The following TLCD4 variants were observed in gnomAD, a reference collection of about 807,000 sequenced individuals.
The protein encoded by TLCD4 is TLC domain containing 4.
In TLCD4, 7 loss-of-function variants were observed where a neutral mutation model predicts 24.2. The ratio of observed to expected loss-of-function variants is 0.29; its 90% CI spans 0.16 to 0.54. The LOEUF (loss-of-function observed/expected upper bound fraction) is 0.54. Among genes scored for constraint, TLCD4 ranks in the 20% least tolerant of loss-of-function variants. The pLI is 0.95. For missense variants in TLCD4, 259 were observed against 313.9 expected (o/e 0.82, Z 1.32); for synonymous variants, 103 against 106.4 (o/e 0.97, Z 0.20).
chr1:95,173,710 TATTG>T, intron 5 of TLCD4, 102 bp from the exon 6 acceptor site: 3 of 1,417,002 alleles, frequency 2.1e-6, no homozygotes, highest in Non-Finnish European at 2.0e-6. Flanking sequence ...TCTGTTTTGG[TATTG>T]ATTGTTATAT....
chr1:95,125,897 A>G (rs1470459016), intron 1 of TLCD4, among the ~76,000 whole-genome samples: 2 of 152,176 alleles, frequency 1.3e-5, no homozygotes, highest in African/African-American at 4.8e-5. Flanking sequence ...CAGACCTGCA[A>G]TCCCAGCACT....
At position 95,194,078 on chromosome 1, in the gene TLCD4, T is replaced by C. The variant is rs991584342; in HGVS notation, c.*2210T>C. On this transcript the variant is annotated 3_prime_UTR_variant, in exon 7 of 7. Transcript: ENST00000370203. Reference sequence around the variant, plus strand: ...GAGTCTCCATGTAGCAGTTTGTTTTTATAGTTACTGTTTCATGCTTAAAAC... The same window carrying C: ...GAGTCTCCATGTAGCAGTTTGTTTTCATAGTTACTGTTTCATGCTTAAAAC... 2.6e-5 allele frequency: 4 copies of C among 152,134 alleles called. No individual in the cohort carries two copies. The highest frequency in any genetic ancestry group is 7.2e-5 in the African/African-American group (3 of 41,454). The allele number at this position is 152,134 out of a possible 1,614,324, so 9.4% of individuals were successfully genotyped here. A position where few individuals can be genotyped will look rare whatever the true frequency, so the allele number is the denominator to read the frequency against.
chr1:95,126,242 C>T (rs1006042066), intron 1 of TLCD4, among the ~76,000 whole-genome samples: 2 of 151,826 alleles, frequency 1.3e-5, no homozygotes, highest in African/African-American at 4.8e-5. Flanking sequence ...GCCTGGCCAA[C>T]ATGACAAAAC....
At chr1:95,094,197 C>T in the TLCD4 span, among the ~76,000 whole-genome samples, 1 of 152,172 alleles carries the variant, frequency 6.6e-6, no homozygotes. Flanking sequence ...TTGGTGCCAT[C>T]ATGGCTCACT....
At chr1:95,152,414 T>C (rs1013675193) in intron 5 of TLCD4, among the ~76,000 whole-genome samples, 3 of 152,082 alleles carry the variant, frequency 2.0e-5, no homozygotes, top group Non-Finnish European at 4.4e-5. Flanking sequence ...AACTTGTATT[T>C]GGAAAGCACT....
upstream of TLCD4, among the ~76,000 whole-genome samples, chr1:95,113,630 A>T (rs1676379126): frequency 6.6e-6 from 1 of 152,222 alleles, no homozygotes; most frequent in Admixed American, 6.5e-5. Context: ...GCCTTTAAGA[A>T]TTATTTGATT....
At chr1:95,135,395 CTT>C (rs1188061128) in intron 1 of TLCD4, among the ~76,000 whole-genome samples, 17 of 130,462 alleles carry the variant, frequency 1.3e-4, no homozygotes, top group Admixed American at 1.6e-4. Flanking sequence ...TTTTTGTACA[CTT>C]TTTTTTTTTT....
intron 6 of TLCD4, among the ~76,000 whole-genome samples, chr1:95,180,471 T>C (rs1303778957): frequency 1.3e-5 from 2 of 152,176 alleles, no homozygotes; most frequent in Non-Finnish European, 2.9e-5. Context: ...TTCCATAGTT[T>C]AGTTGTTTTC....
At chr1:95,111,313 C>CAAAAAAAAA in the TLCD4 span, among the ~76,000 whole-genome samples, 1 of 79,880 alleles carries the variant, frequency 1.3e-5, no homozygotes, top group Non-Finnish European at 2.8e-5. Flanking sequence ...CAAAACAAAA[C>CAAAAAAAAA]AAAACAAAAA....
chr1:95,111,436 C>T, the TLCD4 span, among the ~76,000 whole-genome samples: 1 of 152,136 alleles, frequency 6.6e-6, no homozygotes, highest in Non-Finnish European at 1.5e-5. Flanking sequence ...ATAAGCCTCT[C>T]CTGTTTAATT....
intron 1 of TLCD4, among the ~76,000 whole-genome samples, chr1:95,134,247 C>T (rs79670138): frequency 0.03 from 4,617 of 152,014 alleles, 95 homozygotes; most frequent in African/African-American, 0.038. Flanking sequence ...CAGGGCTTGA[C>T]GACATCAGTG....
At position 95,155,183 on chromosome 1, in the gene TLCD4, C is replaced by G. The variant is rs544884733; in HGVS notation, c.399+3764C>G. Reference sequence around the variant, plus strand: ...TTATAAACCTCTGGTCTTAGCCACTCTTAGCTGGTAGAAAAATTTCCCATA... The same window carrying G: ...TTATAAACCTCTGGTCTTAGCCACTGTTAGCTGGTAGAAAAATTTCCCATA... On this transcript the variant is annotated intron_variant, in intron 5 of 6. Transcript: ENST00000370203. Among the ~76,000 whole-genome samples the G allele has an allele frequency of 2.0e-5, 3 of 152,130 alleles. No homozygotes were observed. The East Asian group carries it at 5.8e-4, about 30-fold the overall frequency.
the TLCD4 span, among the ~76,000 whole-genome samples, chr1:95,105,167 C>T: frequency 0.019 from 2,943 of 152,278 alleles, 51 homozygotes; most frequent in Non-Finnish European, 0.029. Context: ...TATCACCAGC[C>T]TGGGAAAAGA....
At chr1:95,109,889 T>C in the TLCD4 span, among the ~76,000 whole-genome samples, 4,429 of 142,356 alleles carry the variant, frequency 0.031, 110 homozygotes, top group Non-Finnish European at 0.047. Context: ...CTGTTTGTAC[T>C]ACATACACAT....
intron 6 of TLCD4, among the ~76,000 whole-genome samples, chr1:95,181,590 T>G (rs1214769423): frequency 6.6e-6 from 1 of 150,488 alleles, no homozygotes; most frequent in Non-Finnish European, 1.5e-5. Context: ...ATTATTTATT[T>G]ATTTATTTAT....
rs905024208 is a variant in TLCD4, at chr1:95,193,155, G to A, written c.*1287G>A. On this transcript the variant is annotated 3_prime_UTR_variant, in exon 7 of 7. Transcript: ENST00000370203. ...GACCCAAACTATTACAAAAATATCA[G>A]TATTCATATTTTACTCACAATTCAT... 2.0e-5 allele frequency: 3 copies of A among 151,754 alleles called. No homozygotes were observed. Among genetic ancestry groups the A allele is most frequent in the Admixed American group, 2.0e-4 (3 of 15,238 alleles). 9.4% of individuals were successfully genotyped at this position (151,754 alleles called of 1,614,324 possible).
At chr1:95,106,271 T>C in the TLCD4 span, among the ~76,000 whole-genome samples, 1 of 152,246 alleles carries the variant, frequency 6.6e-6, no homozygotes, top group African/African-American at 2.4e-5. Flanking sequence ...CAATTTGATA[T>C]GTTTGTGAAA....
chr1:95,172,641 A>G (rs1020334418), intron 5 of TLCD4, among the ~76,000 whole-genome samples: 24 of 152,242 alleles, frequency 1.6e-4, no homozygotes, highest in African/African-American at 5.3e-4. Flanking sequence ...TAACCTTGTT[A>G]AAGGTAGTTC....
At chr1:95,106,266 T>G in the TLCD4 span, among the ~76,000 whole-genome samples, 1 of 152,366 alleles carries the variant, frequency 6.6e-6, no homozygotes, top group South Asian at 2.1e-4. Flanking sequence ...CATTTCAATT[T>G]GATATGTTTG....
Sources: allele counts gnomAD v4.1 joint callset (sites outside exome capture counted in the v4.1 genomes callset), GRCh38; gene constraint gnomAD v4.1.1; transcripts MANE v1.5; gene names NCBI Gene and HGNC (gene_info 2026-07-23, HGNC 2026-07-21).